GTF2A1L: variants seen among roughly 807,000 people sequenced by gnomAD.
GTF2A1L encodes TFIIA-alpha and beta-like factor.
In GTF2A1L, 48 loss-of-function variants were observed where a neutral mutation model predicts 49.7. The observed-to-expected ratio is 0.97, with a 90% CI of 0.77 to 1.23. The LOEUF is 1.23. Among genes scored for constraint, GTF2A1L ranks in the 50% most tolerant of loss-of-function variants. GTF2A1L has a pLI of 0.00. For missense variants in GTF2A1L, 736 were observed against 564.8 expected, an observed-to-expected ratio of 1.30 and a Z score of -3.07; for synonymous variants, 246 against 193.5, an observed-to-expected ratio of 1.27 and a Z score of -2.25.
intron 3 of GTF2A1L, among the ~76,000 whole-genome samples, chr2:48,625,033 T>C (rs1676226039): frequency 6.9e-6 from 1 of 144,350 alleles, no homozygotes; most frequent in African/African-American, 2.5e-5. Flanking sequence ...GAAGTGTAGA[T>C]ATTTTTATGA....
intron 8 of GTF2A1L, among the ~76,000 whole-genome samples, chr2:48,675,742 C>T (rs1679433390): frequency 6.6e-6 from 1 of 151,874 alleles, no homozygotes; most frequent in African/African-American, 2.4e-5. Context: ...GACAGTTTAG[C>T]AGACTTGCTT....
chr2:48,650,124 A>G (rs1323860451), intron 6 of GTF2A1L, among the ~76,000 whole-genome samples: 2 of 152,194 alleles, frequency 1.3e-5, no homozygotes, highest in Non-Finnish European at 2.9e-5. Context: ...AATGTAGTTC[A>G]AAGATACATT....
intron 6 of GTF2A1L, among the ~76,000 whole-genome samples, chr2:48,661,353 A>G (rs1016041984): frequency 1.4e-5 from 2 of 138,302 alleles, no homozygotes; most frequent in Non-Finnish European, 3.0e-5. Flanking sequence ...CCTTTGGGTC[A>G]GGTGATTCTC....
intron 3 of GTF2A1L, among the ~76,000 whole-genome samples, chr2:48,623,754 C>G (rs765958698): frequency 1.1e-4 from 17 of 152,084 alleles, no homozygotes; most frequent in Non-Finnish European, 1.0e-4. Flanking sequence ...AAGAAATGTC[C>G]TTTGCAGCAA....
chr2:48,636,595 A>C (rs1337397650), intron 3 of GTF2A1L, among the ~76,000 whole-genome samples: 1 of 152,220 alleles, frequency 6.6e-6, no homozygotes, highest in Non-Finnish European at 1.5e-5. Flanking sequence ...ATACTAAATG[A>C]GAAAAAGGCA....
At chr2:48,637,762 A>T (rs1676985594) in intron 3 of GTF2A1L, among the ~76,000 whole-genome samples, 1 of 152,168 alleles carries the variant, frequency 6.6e-6, no homozygotes, top group South Asian at 2.1e-4. Flanking sequence ...AAATAAACAC[A>T]ATTAGAAATG....
intron 3 of GTF2A1L, among the ~76,000 whole-genome samples, chr2:48,625,229 C>G (rs922889762): frequency 7.0e-6 from 1 of 143,806 alleles, no homozygotes; most frequent in African/African-American, 2.5e-5. Context: ...CTTGTCGTCT[C>G]TTTTCTTTTT....
At chr2:48,655,611 A>G (rs1223664706) in intron 6 of GTF2A1L, among the ~76,000 whole-genome samples, 1 of 152,202 alleles carries the variant, frequency 6.6e-6, no homozygotes, top group Non-Finnish European at 1.5e-5. Context: ...TACTTTGATC[A>G]GTTTTGCCAC....
At chr2:48,651,226 A>AT (rs1340809520) in intron 6 of GTF2A1L, among the ~76,000 whole-genome samples, 1 of 152,172 alleles carries the variant, frequency 6.6e-6, no homozygotes, top group Admixed American at 6.5e-5. Flanking sequence ...ATAAAAAAAA[A>AT]GGAAGCATTT....
At chr2:48,635,871 G>A (rs558016684) in intron 3 of GTF2A1L, among the ~76,000 whole-genome samples, 12 of 152,122 alleles carry the variant, frequency 7.9e-5, no homozygotes, top group Admixed American at 5.9e-4. Flanking sequence ...CCCTCACAGC[G>A]TCTCCAACCC....
intron 1 of GTF2A1L, 138 bp downstream of exon 1, chr2:48,618,033 C>G (rs1572684782): frequency 2.3e-6 from 2 of 873,400 alleles, no homozygotes; most frequent in Non-Finnish European, 3.5e-6. Flanking sequence ...GGGGCTGGGG[C>G]TCTTCTTCAC....
chr2:48,638,183 C>T (rs537774400), intron 3 of GTF2A1L, among the ~76,000 whole-genome samples: 6 of 152,076 alleles, frequency 3.9e-5, no homozygotes, highest in East Asian at 1.9e-4. Context: ...CTTACTGAAA[C>T]GATTTCAAAA....
At position 48,630,553 on chromosome 2, in the gene GTF2A1L, T is replaced by C. The variant is rs1264150790; in HGVS notation, c.247+9263T>C. ...AGGATTTTCTAGGTATAAGACCATA[T>C]TGTCAGTGAAGAGAGATAGTTTGAC... is the stretch of plus-strand genomic sequence containing the variant. On this transcript the variant is annotated intron_variant, in intron 3 of 8. Transcript: ENST00000403751. 1.4e-5 allele frequency among the ~76,000 whole-genome samples: 2 copies of C among 144,228 alleles called. 1 individual carries two copies. The highest frequency in any genetic ancestry group is 3.1e-5 in the Non-Finnish European group (2 of 63,994). The allele number at this position is 144,228 out of a possible 152,430, so 94.6% of individuals were successfully genotyped here.
At chr2:48,655,020 C>G (rs1156829065) in intron 6 of GTF2A1L, among the ~76,000 whole-genome samples, 2 of 151,982 alleles carry the variant, frequency 1.3e-5, no homozygotes, top group Non-Finnish European at 2.9e-5. Context: ...ATGCGCTTGT[C>G]AATTTCTAAA....
chr2:48,651,714 A>G (rs1406170879), intron 6 of GTF2A1L, among the ~76,000 whole-genome samples: 2 of 152,198 alleles, frequency 1.3e-5, no homozygotes, highest in East Asian at 3.8e-4. Flanking sequence ...CAAGACATTT[A>G]TCAAAAAATG....
intron 8 of GTF2A1L, among the ~76,000 whole-genome samples, chr2:48,675,443 A>G (rs557638374): frequency 1.3e-4 from 20 of 152,192 alleles, no homozygotes; most frequent in African/African-American, 4.8e-4. Context: ...TTAGAGATTA[A>G]CAATTGGGGG....
chr2:48,630,868 G>T (rs1238625239), intron 3 of GTF2A1L, among the ~76,000 whole-genome samples: 1 of 152,096 alleles, frequency 6.6e-6, no homozygotes, highest in Non-Finnish European at 1.5e-5. Flanking sequence ...ATATTGAGAT[G>T]ATCACAGGTT....
chr2:48,642,512 G>A, intron 4 of GTF2A1L, 55 bp downstream of exon 4: 12 of 1,476,716 alleles, frequency 8.1e-6, no homozygotes, highest in Non-Finnish European at 1.1e-5. Context: ...GTTAGCGAGT[G>A]GTGGCAAAAT....
intron 8 of GTF2A1L, among the ~76,000 whole-genome samples, chr2:48,677,412 G>A (rs948685455): frequency 1.3e-5 from 2 of 151,918 alleles, no homozygotes; most frequent in African/African-American, 2.4e-5. Flanking sequence ...ATATTAGAGT[G>A]TAAGCATTTT....
Sources: allele counts gnomAD v4.1 joint callset (sites outside exome capture counted in the v4.1 genomes callset), GRCh38; gene constraint gnomAD v4.1.1; transcripts MANE v1.5; gene names NCBI Gene and HGNC (gene_info 2026-07-23, HGNC 2026-07-21).